UBE2E2: variants seen among roughly 807,000 people sequenced by gnomAD.
The protein encoded by UBE2E2 is ubiquitin conjugating enzyme E2 E2, also known as ubiquitin-conjugating enzyme E2 E2.
A neutral mutation model predicts 24.7 loss-of-function variants in UBE2E2; 6 were observed. The observed-to-expected ratio is 0.24, with a 90% CI of 0.13 to 0.48. The LOEUF is 0.48. Ranked by LOEUF, UBE2E2 falls within the 20% of genes least tolerant of loss-of-function variation. The probability of loss-of-function intolerance (pLI) is 0.99; values close to 1 mark genes in which losing one functional copy is unlikely to be tolerated. For synonymous variants in UBE2E2, 104 were observed against 83.6 expected (o/e 1.24, Z -1.33); for missense variants, 169 against 245.0 (o/e 0.69, Z 2.07).
chr3:23,219,728 C>T (rs76636555), intron 3 of UBE2E2, among the ~76,000 whole-genome samples: 6,428 of 152,240 alleles, frequency 0.042, 467 homozygotes, highest in African/African-American at 0.15. Context: ...TCACACATGC[C>T]TCTCAAAACC....
intron 1 of UBE2E2, among the ~76,000 whole-genome samples, chr3:23,205,444 G>C (rs551145049): frequency 6.6e-6 from 1 of 152,082 alleles, no homozygotes; most frequent in Non-Finnish European, 1.5e-5. Context: ...TTACACTTAC[G>C]ACTAATTAAA....
At chr3:23,563,626 A>G (rs13084870) in intron 5 of UBE2E2, among the ~76,000 whole-genome samples, 9,188 of 152,056 alleles carry the variant, frequency 0.06, 453 homozygotes, top group Non-Finnish European at 0.087. Context: ...TCTTTGATGT[A>G]TTTCTTCTTT....
chr3:23,326,461 T>C (rs1305603270), intron 3 of UBE2E2, among the ~76,000 whole-genome samples: 1 of 152,340 alleles, frequency 6.6e-6, no homozygotes, highest in African/African-American at 2.4e-5. Flanking sequence ...TTCTGAGTTT[T>C]TGGAATTAAC....
intron 5 of UBE2E2, among the ~76,000 whole-genome samples, chr3:23,532,986 T>C (rs1210250078): frequency 6.6e-6 from 1 of 152,222 alleles, no homozygotes; most frequent in Admixed American, 6.5e-5. Flanking sequence ...TAAGTTATCC[T>C]GCCAAATAAT....
intron 3 of UBE2E2, among the ~76,000 whole-genome samples, chr3:23,378,945 C>T (rs988334143): frequency 3.9e-5 from 6 of 152,170 alleles, no homozygotes; most frequent in African/African-American, 1.4e-4. Context: ...TTAATTACTA[C>T]ATTTTTAGTA....
intron 3 of UBE2E2, among the ~76,000 whole-genome samples, chr3:23,249,083 C>A (rs1464836331): frequency 2.0e-5 from 3 of 152,156 alleles, no homozygotes; most frequent in South Asian, 2.1e-4. Context: ...CCAGCCTGGG[C>A]AACATGGCGA....
intron 4 of UBE2E2, among the ~76,000 whole-genome samples, chr3:23,503,413 A>C (rs1382355599): frequency 2.7e-5 from 4 of 148,706 alleles, no homozygotes; most frequent in Non-Finnish European, 6.0e-5. Flanking sequence ...CTGGTGTTGA[A>C]CTCCTGACCT....
intron 3 of UBE2E2, among the ~76,000 whole-genome samples, chr3:23,238,845 T>G (rs536807634): frequency 6.6e-6 from 1 of 152,288 alleles, no homozygotes; most frequent in African/African-American, 2.4e-5. Context: ...GGGTTAGGTG[T>G]GGAGTTTCCC....
intron 3 of UBE2E2, chr3:23,271,226 T>A: frequency 2.7e-6 from 1 of 376,428 alleles, no homozygotes; most frequent in Non-Finnish European, 5.1e-6. Context: ...ACCCTCGCGG[T>A]GAGTGTTACA....
At chr3:23,453,259 T>C (rs1230093943) in intron 3 of UBE2E2, among the ~76,000 whole-genome samples, 1 of 152,210 alleles carries the variant, frequency 6.6e-6, no homozygotes, top group Non-Finnish European at 1.5e-5. Context: ...ATTTAAAATA[T>C]TGAATTTTTT....
chr3:23,298,613 C>T (rs1359521913), intron 3 of UBE2E2, among the ~76,000 whole-genome samples: 2 of 151,774 alleles, frequency 1.3e-5, no homozygotes, highest in Non-Finnish European at 2.9e-5. Flanking sequence ...TATATTGAAC[C>T]AGCCTTGCAT....
intron 5 of UBE2E2, among the ~76,000 whole-genome samples, chr3:23,587,249 T>C (rs935061059): frequency 6.6e-6 from 1 of 152,246 alleles, no homozygotes; most frequent in Non-Finnish European, 1.5e-5. Context: ...CTTTTGCCTG[T>C]ACTGAAATAC....
intron 3 of UBE2E2, among the ~76,000 whole-genome samples, chr3:23,420,432 G>T (rs975767881): frequency 5.3e-5 from 8 of 152,186 alleles, no homozygotes; most frequent in Admixed American, 2.0e-4. Flanking sequence ...TTAATGGGCA[G>T]TTTCATAGTT....
chr3:23,553,455 T>C (rs535799351), intron 5 of UBE2E2, among the ~76,000 whole-genome samples: 6 of 152,306 alleles, frequency 3.9e-5, no homozygotes, highest in South Asian at 2.1e-4. Context: ...GGCCTTTGTT[T>C]TGGTCGATGA....
intron 3 of UBE2E2, among the ~76,000 whole-genome samples, chr3:23,388,099 A>G (rs749259343): frequency 1.3e-5 from 2 of 152,182 alleles, no homozygotes; most frequent in Non-Finnish European, 2.9e-5. Flanking sequence ...TCAGCTACCT[A>G]AGAAAAATTA....
rs1227259314 is a variant in UBE2E2, at chr3:23,407,211, G to A, written c.228-92397G>A. Among the ~76,000 whole-genome samples the A allele has an allele frequency of 6.6e-6, 1 of 151,810 alleles. No individual in the cohort carries two copies. Among genetic ancestry groups the A allele is most frequent in the Non-Finnish European group, 1.5e-5 (1 of 67,960 alleles). On this transcript the variant is annotated intron_variant, in intron 3 of 5. Transcript: ENST00000396703. The surrounding 1 kb of genome is among the most constrained non-coding windows in gnomAD (Gnocchi z 4.0). ...GGAAAAAAAAAAGGTCTTGACCACT[G>A]TGCAGGTGAGCATCAAGCTTTACAC...
At chr3:23,478,925 G>C (rs1256312690) in intron 3 of UBE2E2, among the ~76,000 whole-genome samples, 2 of 151,640 alleles carry the variant, frequency 1.3e-5, no homozygotes, top group African/African-American at 4.9e-5. Flanking sequence ...GAGCATGGTG[G>C]CACATGCCTG....
At chr3:23,449,880 A>C in intron 3 of UBE2E2, 1 of 985,450 alleles carries the variant, frequency 1.0e-6, no homozygotes, top group Non-Finnish European at 1.2e-6. Flanking sequence ...TATAATGGGG[A>C]AGGTCCCACC....
intron 3 of UBE2E2, among the ~76,000 whole-genome samples, chr3:23,262,186 C>T (rs1459764470): frequency 6.6e-6 from 1 of 152,192 alleles, no homozygotes; most frequent in African/African-American, 2.4e-5. Flanking sequence ...TTTGGATTTG[C>T]AGTTCCCTGA....
Sources: gnomAD v4.1 joint callset for allele counts (sites outside exome capture counted in the v4.1 genomes callset) on GRCh38, gnomAD v4.1.1 for gene constraint, Gnocchi (gnomAD v3.1) non-coding constraint, MANE v1.5 for transcripts, NCBI Gene and HGNC (gene_info 2026-07-23, HGNC 2026-07-21) for gene names.